The following ADCY9 variants were observed in gnomAD, a reference collection of about 807,000 sequenced individuals.
The protein encoded by ADCY9 is adenylate cyclase type 9.
In ADCY9, 50 loss-of-function variants were observed where a neutral mutation model predicts 101.5. The ratio of observed to expected loss-of-function variants is 0.49; its 90% CI spans 0.39 to 0.62. The LOEUF (loss-of-function observed/expected upper bound fraction) is 0.62, where lower values mean the gene tolerates loss of function less well. ADCY9 is among the 20% of genes least tolerant of loss of function. The pLI is 0.00. For missense variants in ADCY9, 1,662 were observed against 1,800.4 expected (o/e 0.92, Z 1.39); for synonymous variants, 905 against 769.3 (o/e 1.18, Z -2.92).
intron 2 of ADCY9, among the ~76,000 whole-genome samples, chr16:4,056,382 T>G (rs929283059): frequency 2.6e-5 from 4 of 152,164 alleles, no homozygotes; most frequent in African/African-American, 9.7e-5. Context: ...GCCTCCCAAG[T>G]AGCTGGGACG....
At chr16:4,113,329 C>T (rs962830709) in intron 2 of ADCY9, among the ~76,000 whole-genome samples, 2 of 152,132 alleles carry the variant, frequency 1.3e-5, no homozygotes, top group Non-Finnish European at 2.9e-5. Context: ...TTATTCTCCA[C>T]GTTTTCGCAA....
rs55792938 is a variant in ADCY9, at chr16:3,956,503, T to TTTTTTTTTTTTTTTTTTTTG, written c.568-2988_568-2987insCAAAAAAAAAAAAAAAAAAA. 4.3e-5 allele frequency among the ~76,000 whole-genome samples: 3 copies of TTTTTTTTTTTTTTTTTTTTG among 69,496 alleles called. 1 individual carries two copies. The highest frequency in any genetic ancestry group is 1.2e-4 in the African/African-American group (3 of 24,704). 45.6% of individuals were successfully genotyped at this position (69,496 alleles called of 152,430 possible). On this transcript the variant is annotated intron_variant, in intron 5 of 5. Coordinates refer to the ADCY9 transcript ENST00000576936. ...GCGCAATGAGCTTTTTTTTTTTTTTTGGGGGGGGATGGAGTCTCCCTCTGT... is the reference window on the plus strand; with the variant it reads ...GCGCAATGAGCTTTTTTTTTTTTTTTTTTTTTTTTTTTTTTTTTTGGGGGGGGGATGGAGTCTCCCTCTGT...
rs2141676576 is a variant in ADCY9, at chr16:3,971,394, A to G, written c.2870+3275T>C. 1.3e-5 allele frequency among the ~76,000 whole-genome samples: 2 copies of G among 152,256 alleles called. 1 individual carries two copies. The highest frequency in any genetic ancestry group is 4.1e-4 in the South Asian group (2 of 4,826). On this transcript the variant is annotated intron_variant, in intron 10 of 10. Coordinates refer to ENST00000294016, the MANE Select transcript of ADCY9 (RefSeq NM_001116.4). ...GAGCAGATTGCGGAGTCCTGAGTCC[A>G]CCTGGGGCTGGTCTTGGGAGCCCTG...
chr16:4,054,602 G>A (rs1033320357), intron 2 of ADCY9, among the ~76,000 whole-genome samples: 2 of 149,626 alleles, frequency 1.3e-5, no homozygotes, highest in Admixed American at 6.7e-5. Context: ...ACGGACTCTC[G>A]CTCTGTCACC....
At chr16:4,025,007 G>GA (rs999983995) in intron 2 of ADCY9, among the ~76,000 whole-genome samples, 1 of 151,934 alleles carries the variant, frequency 6.6e-6, no homozygotes, top group Non-Finnish European at 1.5e-5. Context: ...AGCAGCCTTG[G>GA]AGCTGCAATG....
chr16:4,015,520 CG>C (rs1336067271), intron 2 of ADCY9: 5 of 152,164 alleles, frequency 3.3e-5, no homozygotes, highest in Non-Finnish European at 5.9e-5. Context: ...CTCATTCGCT[CG>C]TTCATGCACC....
intron 2 of ADCY9, among the ~76,000 whole-genome samples, chr16:4,018,009 G>C (rs1378893250): frequency 6.6e-6 from 1 of 152,202 alleles, no homozygotes; most frequent in Non-Finnish European, 1.5e-5. Flanking sequence ...CACTGTCCTT[G>C]CCTGGAACAC....
At chr16:4,059,329 C>T (rs754970539) in intron 2 of ADCY9, among the ~76,000 whole-genome samples, 4 of 139,516 alleles carry the variant, frequency 2.9e-5, no homozygotes, top group African/African-American at 5.5e-5. Context: ...TGCAGTGAGC[C>T]GAGATCATGC....
At chr16:4,086,524 G>A (rs1468214962) in intron 2 of ADCY9, among the ~76,000 whole-genome samples, 1 of 152,060 alleles carries the variant, frequency 6.6e-6, no homozygotes, top group Non-Finnish European at 1.5e-5. Context: ...GGGCCCATCA[G>A]CCCAGAGAAA....
intron 2 of ADCY9, among the ~76,000 whole-genome samples, chr16:4,103,205 C>T (rs8045426): frequency 0.12 from 17,615 of 152,252 alleles, 1,515 homozygotes; most frequent in East Asian, 0.42. Context: ...CATGAGAATG[C>T]GTGTTTGGGT....
At chr16:3,990,823 G>A (rs2056238207) in intron 5 of ADCY9, among the ~76,000 whole-genome samples, 1 of 152,128 alleles carries the variant, frequency 6.6e-6, no homozygotes, top group South Asian at 2.1e-4. Flanking sequence ...TTTTGAGATG[G>A]AGACTCGCTC....
rs988893119 is a variant in ADCY9, at chr16:4,114,992, A to C, written c.451T>G (p.Cys151Gly). Residue 151 changes from cysteine (C) to glycine (G), a missense_variant, in exon 2 of 11, where the codon TGC (cysteine) becomes GGC (glycine). Cys to Gly is a radical substitution (Grantham distance 159, BLOSUM62 -3). Around this residue, in one of 5 missense-constraint regions of ADCY9, gnomAD observed 422 missense variants for 392.0 expected, o/e 1.08. Coordinates refer to ENST00000294016, the MANE Select transcript of ADCY9 (RefSeq NM_001116.4). The surrounding 1 kb of genome is among the most constrained non-coding windows in gnomAD (Gnocchi z 4.3). ...AAGCCCACACACACCAGGAGGAAGC[A>C]CAGCGCGGGGGCGACCATGACGATC... Reference protein sequence around the residue: ...RLIVMVAPALCFLLVCVGFFL... With the variant: ...RLIVMVAPALGFLLVCVGFFL... 6.2e-7 allele frequency: 1 copy of C among 1,613,996 alleles called. No individual in the cohort carries two copies. Among genetic ancestry groups the C allele is most frequent in the Non-Finnish European group, 8.5e-7 (1 of 1,180,050 alleles).
At chr16:4,024,500 T>G (rs993974603) in intron 2 of ADCY9, among the ~76,000 whole-genome samples, 1 of 152,182 alleles carries the variant, frequency 6.6e-6, no homozygotes, top group African/African-American at 2.4e-5. Context: ...TGAACTTGAT[T>G]TGAGTTTCAC....
intron 2 of ADCY9, among the ~76,000 whole-genome samples, chr16:4,103,019 C>T (rs1597228542): frequency 6.6e-6 from 1 of 152,126 alleles, no homozygotes; most frequent in Non-Finnish European, 1.5e-5. Flanking sequence ...ATGGCCAGCT[C>T]GAAGTTGATG....
intron 2 of ADCY9, among the ~76,000 whole-genome samples, chr16:4,023,583 G>A (rs1677572498): frequency 6.6e-6 from 1 of 152,168 alleles, no homozygotes; most frequent in African/African-American, 2.4e-5. Context: ...ATGAGAGGAG[G>A]CTGGGGAGGT....
At chr16:4,058,562 G>A (rs375709337) in intron 2 of ADCY9, among the ~76,000 whole-genome samples, 1 of 152,062 alleles carries the variant, frequency 6.6e-6, no homozygotes, top group Non-Finnish European at 1.5e-5. Flanking sequence ...ACTGACTCTT[G>A]TTGAGAGAAC....
chr16:4,087,648 G>A (rs531531152), intron 2 of ADCY9, among the ~76,000 whole-genome samples: 166 of 151,704 alleles, frequency 1.1e-3, no homozygotes, highest in Non-Finnish European at 2.2e-3. Context: ...TAAACACTCA[G>A]TCCCTCGTGG....
intron 2 of ADCY9, among the ~76,000 whole-genome samples, chr16:4,087,913 C>T (rs535353101): frequency 1.7e-4 from 26 of 149,624 alleles, no homozygotes; most frequent in African/African-American, 5.7e-4. Context: ...CCCTTTCTTT[C>T]GTTTCTTTCT....
chr16:4,030,697 C>T (rs527382253), intron 2 of ADCY9, among the ~76,000 whole-genome samples: 50 of 150,270 alleles, frequency 3.3e-4, no homozygotes, highest in Non-Finnish European at 5.0e-4. Flanking sequence ...CAGCAAAACT[C>T]GGTCTCAAAA....
Sources: allele counts gnomAD v4.1 joint callset (sites outside exome capture counted in the v4.1 genomes callset), GRCh38; gene constraint gnomAD v4.1.1; regional missense constraint gnomAD v4.1.1; non-coding constraint Gnocchi (gnomAD v3.1); transcripts MANE v1.5; gene names NCBI Gene and HGNC (gene_info 2026-07-23, HGNC 2026-07-21).